RABEPK: variants seen among roughly 807,000 people sequenced by gnomAD.
RABEPK encodes the protein 40 kDa Rab9 effector protein.
RABEPK carries 27 observed loss-of-function variants against 34.1 expected under a neutral mutation model. That is an observed-to-expected ratio of 0.79 (90% CI 0.58 to 1.09). The LOEUF (loss-of-function observed/expected upper bound fraction) is 1.09. Ranked by LOEUF, RABEPK falls within the 50% of genes least tolerant of loss-of-function variation. RABEPK has a pLI of 0.00. For missense variants in RABEPK, 449 were observed against 462.6 expected (o/e 0.97, Z 0.27); for synonymous variants, 172 against 169.2 (o/e 1.02, Z -0.13).
At chr9:125,214,195 T>G (rs924080894) in intron 4 of RABEPK, among the ~76,000 whole-genome samples, 2 of 152,084 alleles carry the variant, frequency 1.3e-5, no homozygotes, top group African/African-American at 4.8e-5. Flanking sequence ...GAGCCAGGCT[T>G]AGAACCCAAG....
intron 3 of RABEPK, among the ~76,000 whole-genome samples, chr9:125,209,973 C>T (rs986914381): frequency 6.6e-6 from 1 of 152,144 alleles, no homozygotes; most frequent in Non-Finnish European, 1.5e-5. Context: ...TGTCCGTCTG[C>T]CCCACAAGAA....
chr9:125,233,950 T>C lies in RABEPK; in HGVS notation c.1089T>C (p.Tyr363=), dbSNP rs1190320551. Residue 363 remains tyrosine (Y), a synonymous_variant, in exon 8 of 8, where the codon TAT becomes TAC. Transcript: ENST00000373538. ...GGATGAATACAGAAGGGGAAATCTA[T>C]GACGATTGTATTGTGACTGTAGTGG... ...FGGMNTEGEI[Y]DDCIVTVVD 6.2e-7 allele frequency: 1 copy of C among 1,613,012 alleles called. No individual in the cohort carries two copies. Among genetic ancestry groups the C allele is most frequent in the Middle Eastern group, 1.6e-4 (1 of 6,062 alleles).
chr9:125,225,311 C>T (rs1041347736), intron 5 of RABEPK, among the ~76,000 whole-genome samples: 2 of 151,590 alleles, frequency 1.3e-5, no homozygotes, highest in African/African-American at 2.4e-5. Context: ...CTTGAACCTG[C>T]GAGGCAGAGG....
intron 7 of RABEPK, 21 bp from the exon 8 acceptor site, chr9:125,233,667 C>A (rs202006213): frequency 1.2e-5 from 19 of 1,601,722 alleles, no homozygotes; most frequent in African/African-American, 9.4e-5. Context: ...TAACATGAAG[C>A]CTTTTCCCTC....
chr9:125,210,706 CAAAA>C (rs35140834), intron 3 of RABEPK, among the ~76,000 whole-genome samples: 1 of 83,254 alleles, frequency 1.2e-5, no homozygotes. Flanking sequence ...GACTCCGTCT[CAAAA>C]AAAAAAAAAA....
At chr9:125,214,511 T>C (rs1830795960) in intron 4 of RABEPK, among the ~76,000 whole-genome samples, 1 of 152,158 alleles carries the variant, frequency 6.6e-6, no homozygotes, top group Non-Finnish European at 1.5e-5. Flanking sequence ...GACATTTTGT[T>C]TGTTCGTTTT....
At chr9:125,207,110 C>G (rs534883262) in intron 2 of RABEPK, among the ~76,000 whole-genome samples, 66 of 151,022 alleles carry the variant, frequency 4.4e-4, no homozygotes, top group African/African-American at 1.6e-3. Flanking sequence ...AAAAAAGAAC[C>G]ATTGCTGTCC....
At chr9:125,227,432 T>C (rs1256344256) in intron 5 of RABEPK, among the ~76,000 whole-genome samples, 1 of 151,354 alleles carries the variant, frequency 6.6e-6, no homozygotes, top group Non-Finnish European at 1.5e-5. Flanking sequence ...TTTTTTTTTC[T>C]TTTTTTTAAG....
intron 3 of RABEPK, among the ~76,000 whole-genome samples, chr9:125,212,444 C>T (rs1033304173): frequency 1.3e-5 from 2 of 152,036 alleles, no homozygotes; most frequent in Non-Finnish European, 2.9e-5. Flanking sequence ...TGGTCTTGAT[C>T]TCCTGACCTC....
At chr9:125,228,659 C>CA (rs544061891) in intron 6 of RABEPK, among the ~76,000 whole-genome samples, 8,599 of 118,478 alleles carry the variant, frequency 0.073, 322 homozygotes, top group East Asian at 0.18. Context: ...ACTCCATCTC[C>CA]AAAAAAAAGA....
intron 3 of RABEPK, among the ~76,000 whole-genome samples, chr9:125,210,144 C>G (rs1022578773): frequency 2.0e-5 from 3 of 152,204 alleles, no homozygotes; most frequent in African/African-American, 7.2e-5. Flanking sequence ...TGGCTCACGC[C>G]TCTAATCCCA....
intron 2 of RABEPK, among the ~76,000 whole-genome samples, chr9:125,205,153 T>A (rs750499099): frequency 5.9e-5 from 9 of 152,016 alleles, no homozygotes; most frequent in Non-Finnish European, 1.2e-4. Context: ...ATACTTCAGA[T>A]CTCTCTCCAA....
intron 3 of RABEPK, among the ~76,000 whole-genome samples, chr9:125,211,059 C>G (rs548899162): frequency 6.6e-6 from 1 of 150,498 alleles, no homozygotes; most frequent in African/African-American, 2.4e-5. Context: ...ACGGTGAAAA[C>G]CCATCTCTAC....
chr9:125,201,479 A>C (rs1417412081), intron 1 of RABEPK, among the ~76,000 whole-genome samples: 2 of 152,204 alleles, frequency 1.3e-5, no homozygotes, highest in Non-Finnish European at 2.9e-5. Flanking sequence ...CAGCTTCTTT[A>C]AATATTTTGT....
intron 4 of RABEPK, among the ~76,000 whole-genome samples, chr9:125,215,960 T>G (rs1441425571): frequency 6.6e-6 from 1 of 152,172 alleles, no homozygotes; most frequent in African/African-American, 2.4e-5. Context: ...GTTTTAAACA[T>G]TGCTAATTTG....
intron 2 of RABEPK, among the ~76,000 whole-genome samples, chr9:125,206,907 TG>T (rs1830258970): frequency 6.6e-6 from 1 of 151,984 alleles, no homozygotes; most frequent in Admixed American, 6.6e-5. Context: ...CTGACCAACA[TG>T]GAGAAATCCC....
At chr9:125,224,454 C>CTT (rs34504635) in intron 5 of RABEPK, among the ~76,000 whole-genome samples, 3 of 124,702 alleles carry the variant, frequency 2.4e-5, no homozygotes, top group East Asian at 2.3e-4. Context: ...TAGGTATTGT[C>CTT]TTTTTTTTTT....
chr9:125,231,880 C>T (rs1400522522), intron 6 of RABEPK, among the ~76,000 whole-genome samples: 1 of 147,634 alleles, frequency 6.8e-6, no homozygotes, highest in Non-Finnish European at 1.5e-5. Flanking sequence ...CTTACAAAAT[C>T]GCTAAGGAAC....
chr9:125,224,978 ATGCAGTGGTGTG>A (rs1329605049), intron 5 of RABEPK, among the ~76,000 whole-genome samples: 1 of 152,132 alleles, frequency 6.6e-6, no homozygotes, highest in Non-Finnish European at 1.5e-5. Flanking sequence ...GTCTAGCAGG[ATGCAGTGGTGTG>A]TGCCTATAGT....
Sources: allele counts gnomAD v4.1 joint callset (sites outside exome capture counted in the v4.1 genomes callset), GRCh38; gene constraint gnomAD v4.1.1; transcripts MANE v1.5; gene names NCBI Gene and HGNC (gene_info 2026-07-23, HGNC 2026-07-21).